Variants in NOX3 observed in about 807,000 individuals in gnomAD.
NOX3 encodes NADPH oxidase catalytic subunit-like 3.
In NOX3, 74 loss-of-function variants were observed where a neutral mutation model predicts 76.7. The ratio of observed to expected loss-of-function variants is 0.96; its 90% CI spans 0.80 to 1.17. The LOEUF is 1.17. Ranked by LOEUF, NOX3 falls within the 50% of genes most tolerant of loss-of-function variation. NOX3 has a pLI of 0.00. For missense variants in NOX3, 695 were observed against 703.3 expected, an observed-to-expected ratio of 0.99 and a Z score of 0.13; for synonymous variants, 263 against 261.1, an observed-to-expected ratio of 1.01 and a Z score of -0.07.
Position 155,455,124 on chromosome 6 carries a change from T to C in NOX3, c.54A>G (p.Ser18=). The change falls in exon 2 of 14, where the codon TCA becomes TCG. Residue 18 remains serine, a synonymous_variant. Coordinates refer to ENST00000159060, the MANE Select transcript of NOX3 (RefSeq NM_015718.3). ...NEGLSTILVL[S]WLGINFYLFI... The stretch of plus-strand genomic sequence containing the variant: ...ACAGATAAAAATTTATTCCCAGCCA[T>C]GAGAGCTAGAGTAGAAAGGAAAGAG... The C allele has an allele frequency of 6.2e-7, 1 of 1,606,198 alleles. No individual in the cohort carries two copies. The highest frequency in any genetic ancestry group is 8.5e-7 in the Non-Finnish European group (1 of 1,173,540).
At chr6:155,433,189 T>C (rs231957) in intron 7 of NOX3, among the ~76,000 whole-genome samples, 29,923 of 152,116 alleles carry the variant, frequency 0.2, 3,372 homozygotes, top group Non-Finnish European at 0.24. Context: ...TAGGAGAATA[T>C]AAGCTATTAA....
At chr6:155,449,260 T>A (rs1777104902) in intron 4 of NOX3, among the ~76,000 whole-genome samples, 1 of 152,130 alleles carries the variant, frequency 6.6e-6, no homozygotes, top group Non-Finnish European at 1.5e-5. Flanking sequence ...CTCGGCTAAT[T>A]GTTCACTCCT....
chr6:155,422,585 T>C, intron 10 of NOX3, 109 bp downstream of exon 10: 2 of 1,033,688 alleles, frequency 1.9e-6, no homozygotes, highest in Non-Finnish European at 1.4e-6. Flanking sequence ...GATCCTTGAG[T>C]TTATCCCTCA....
chr6:155,432,075 T>G (rs1372514171), intron 7 of NOX3, among the ~76,000 whole-genome samples: 1 of 152,184 alleles, frequency 6.6e-6, no homozygotes, highest in Admixed American at 6.5e-5. Flanking sequence ...TTTTTATTGT[T>G]TTCAATAGAC....
At chr6:155,441,101 C>A (rs1427249532) in intron 5 of NOX3, among the ~76,000 whole-genome samples, 2 of 152,156 alleles carry the variant, frequency 1.3e-5, no homozygotes, top group Non-Finnish European at 1.5e-5. Context: ...AGTAAAATAG[C>A]CTTTTAGAAT....
intron 6 of NOX3, 42 bp downstream of exon 6, chr6:155,439,914 T>C: frequency 6.4e-7 from 1 of 1,559,980 alleles, no homozygotes; most frequent in Non-Finnish European, 8.7e-7. Flanking sequence ...TTTGGGACTC[T>C]CAGAGATAAA....
intron 11 of NOX3, among the ~76,000 whole-genome samples, chr6:155,409,711 G>A (rs1776516403): frequency 6.6e-6 from 1 of 152,176 alleles, no homozygotes; most frequent in African/African-American, 2.4e-5. Flanking sequence ...TCCTTTAAAT[G>A]TGGAAATTAG....
chr6:155,404,098 C>T (rs957759555), intron 12 of NOX3, among the ~76,000 whole-genome samples: 1 of 142,350 alleles, frequency 7.0e-6, no homozygotes, highest in Non-Finnish European at 1.5e-5. Flanking sequence ...GAACGTAAAA[C>T]ATTTATCAGT....
intron 12 of NOX3, among the ~76,000 whole-genome samples, chr6:155,397,488 T>C (rs1278291567): frequency 6.6e-6 from 1 of 152,202 alleles, no homozygotes; most frequent in Non-Finnish European, 1.5e-5. Flanking sequence ...ACCTGGTCTG[T>C]TTTATTCCAG....
chr6:155,439,912 T>G, intron 6 of NOX3, 44 bp downstream of exon 6: 2 of 1,551,242 alleles, frequency 1.3e-6, no homozygotes, highest in Non-Finnish European at 8.7e-7. Flanking sequence ...ATTTTGGGAC[T>G]CTCAGAGATA....
At chr6:155,424,559 T>A (rs921413166) in intron 9 of NOX3, among the ~76,000 whole-genome samples, 1 of 152,382 alleles carries the variant, frequency 6.6e-6, no homozygotes, top group East Asian at 1.9e-4. Flanking sequence ...AGCTTTACTA[T>A]GTGTTCATGA....
chr6:155,444,191 G>A (rs191386499), intron 4 of NOX3, among the ~76,000 whole-genome samples: 65 of 152,224 alleles, frequency 4.3e-4, no homozygotes, highest in African/African-American at 1.5e-3. Context: ...ACTTTCTCCA[G>A]TTTCAGTTAC....
intron 9 of NOX3, among the ~76,000 whole-genome samples, chr6:155,427,138 C>G (rs1776769064): frequency 6.6e-6 from 1 of 151,878 alleles, no homozygotes; most frequent in African/African-American, 2.4e-5. Flanking sequence ...ACATTGCTTC[C>G]TTTCCATTAT....
intron 12 of NOX3, among the ~76,000 whole-genome samples, chr6:155,398,262 C>A (rs889866324): frequency 6.6e-6 from 1 of 150,894 alleles, no homozygotes; most frequent in Non-Finnish European, 1.5e-5. Context: ...GTGAGGATCT[C>A]GGGTGGTGTT....
At chr6:155,411,713 G>A (rs192260241) in intron 10 of NOX3, among the ~76,000 whole-genome samples, 14 of 152,262 alleles carry the variant, frequency 9.2e-5, no homozygotes, top group East Asian at 1.9e-4. Context: ...GGGATAAACC[G>A]TTAGACCAAC....
Position 155,396,514 on chromosome 6 carries a change from C to T in NOX3, c.*27+295G>A, listed in dbSNP as rs150053010. Among the ~76,000 whole-genome samples the T allele has an allele frequency of 2.2e-4, 33 of 152,266 alleles. No homozygotes were observed. In the East Asian group the frequency reaches 6.0e-3, roughly 28 times the overall value. On this transcript the variant is annotated intron_variant, in intron 13 of 13. Coordinates refer to ENST00000159060, the MANE Select transcript of NOX3 (RefSeq NM_015718.3). ...CCCACAGGCCAAATCCAGCTCGCCCCCTGAGTGTGTGGATGGTCGATGTGC... is the reference window on the plus strand; with the variant it reads ...CCCACAGGCCAAATCCAGCTCGCCCTCTGAGTGTGTGGATGGTCGATGTGC...
intron 10 of NOX3, among the ~76,000 whole-genome samples, chr6:155,411,842 T>C (rs1186478343): frequency 2.6e-5 from 4 of 152,220 alleles, no homozygotes; most frequent in African/African-American, 9.6e-5. Context: ...GAGATTATGG[T>C]AATTTCAGAA....
chr6:155,410,312 T>C (rs1056325338), intron 11 of NOX3, among the ~76,000 whole-genome samples: 6 of 152,014 alleles, frequency 3.9e-5, no homozygotes, highest in Admixed American at 2.0e-4. Context: ...TGTGTGTGTG[T>C]GTGTGTGCGC....
In NOX3 at chr6:155,411,390, C is replaced by T. The variant is rs9480135; in HGVS notation, c.1309-30G>A. The T allele has an allele frequency of 0.012, 19,147 of 1,597,094 alleles. 1,169 individuals are homozygous for T. The African/African-American group carries it at 0.17, about 14-fold the overall frequency. ...CAAGAGAGAAGGCAAGTGAACGGAT[C>T]TATTCTCTTTTCATATGTGCTGATA... On this transcript the variant is annotated intron_variant, in intron 10 of 13. Coordinates refer to ENST00000159060, the MANE Select transcript of NOX3 (RefSeq NM_015718.3).
Sources: gnomAD v4.1 joint callset for allele counts (sites outside exome capture counted in the v4.1 genomes callset) on GRCh38, gnomAD v4.1.1 for gene constraint, MANE v1.5 for transcripts, NCBI Gene and HGNC (gene_info 2026-07-23, HGNC 2026-07-21) for gene names.